The following IGF2BP3 variants were observed in gnomAD, a reference collection of about 807,000 sequenced individuals.
IGF2BP3 encodes insulin-like growth factor 2 mRNA-binding protein 3.
In IGF2BP3, 9 loss-of-function variants were observed where a neutral mutation model predicts 73.8. The observed-to-expected ratio is 0.12, with a 90% CI of 0.07 to 0.21. The LOEUF (loss-of-function observed/expected upper bound fraction) is 0.21, where lower values mean the gene tolerates loss of function less well. Among genes scored for constraint, IGF2BP3 ranks in the 10% least tolerant of loss-of-function variants. IGF2BP3 has a pLI of 1.00. For missense variants in IGF2BP3, 542 were observed against 714.0 expected, an observed-to-expected ratio of 0.76 and a Z score of 2.75; for synonymous variants, 258 against 256.7, an observed-to-expected ratio of 1.01 and a Z score of -0.05.
At chr7:23,362,061 A>G (rs920397091) in intron 3 of IGF2BP3, among the ~76,000 whole-genome samples, 22 of 152,168 alleles carry the variant, frequency 1.4e-4, no homozygotes, top group African/African-American at 5.1e-4. Context: ...ACATACACAA[A>G]CACATCATCA....
intron 3 of IGF2BP3, among the ~76,000 whole-genome samples, chr7:23,404,414 G>C (rs866352763): frequency 6.6e-6 from 1 of 152,106 alleles, no homozygotes; most frequent in Admixed American, 6.5e-5. Flanking sequence ...CTGGACACAT[G>C]TGAGAGTCTA....
intron 9 of IGF2BP3, among the ~76,000 whole-genome samples, chr7:23,342,843 A>G (rs1784745331): frequency 6.6e-6 from 1 of 152,196 alleles, no homozygotes; most frequent in Non-Finnish European, 1.5e-5. Flanking sequence ...GTTAGATTTA[A>G]TCCCAGTTGA....
intron 3 of IGF2BP3, among the ~76,000 whole-genome samples, chr7:23,389,828 T>TAAAAAAA (rs748999337): frequency 9.2e-6 from 1 of 108,414 alleles, no homozygotes; most frequent in Admixed American, 1.0e-4. Flanking sequence ...ATCCCTTCTG[T>TAAAAAAA]AAAAAAAAAA....
chr7:23,445,511 C>G (rs1201440574), intron 2 of IGF2BP3, among the ~76,000 whole-genome samples: 3 of 151,176 alleles, frequency 2.0e-5, no homozygotes, highest in Non-Finnish European at 4.4e-5. Context: ...CTTAGTATGA[C>G]TAAGTAAAAC....
At chr7:23,432,579 A>G (rs557952576) in intron 2 of IGF2BP3, among the ~76,000 whole-genome samples, 3 of 152,270 alleles carry the variant, frequency 2.0e-5, no homozygotes, top group African/African-American at 7.2e-5. Flanking sequence ...CTAAATAACC[A>G]AAGATTTTTA....
chr7:23,385,161 C>T (rs929388565), intron 3 of IGF2BP3, among the ~76,000 whole-genome samples: 4 of 152,142 alleles, frequency 2.6e-5, no homozygotes, highest in South Asian at 2.1e-4. Context: ...ACCTTTTTGC[C>T]TCCCTTTATG....
At chr7:23,321,433 G>A (rs1442449769) in intron 10 of IGF2BP3, among the ~76,000 whole-genome samples, 4 of 152,210 alleles carry the variant, frequency 2.6e-5, no homozygotes, top group East Asian at 1.9e-4. Context: ...CGCCCACGGA[G>A]TCTCGCTGAT....
intron 10 of IGF2BP3, among the ~76,000 whole-genome samples, chr7:23,327,584 A>G (rs1038519007): frequency 2.6e-5 from 4 of 152,136 alleles, no homozygotes; most frequent in African/African-American, 9.7e-5. Flanking sequence ...CCCGTCCTGA[A>G]ATTCTTAAAA....
chr7:23,458,703 T>C (rs775823129), intron 2 of IGF2BP3, among the ~76,000 whole-genome samples: 1 of 152,236 alleles, frequency 6.6e-6, no homozygotes, highest in Non-Finnish European at 1.5e-5. Flanking sequence ...GTCTCATTTT[T>C]CTGTCTTAAA....
chr7:23,397,183 G>GT (rs1003435662), intron 3 of IGF2BP3, among the ~76,000 whole-genome samples: 39 of 152,278 alleles, frequency 2.6e-4, no homozygotes, highest in African/African-American at 8.7e-4. Flanking sequence ...GAAGGAATCT[G>GT]TTTTTTTGCG....
chr7:23,352,497 C>A (rs534986127), intron 5 of IGF2BP3, among the ~76,000 whole-genome samples: 1 of 152,048 alleles, frequency 6.6e-6, no homozygotes, highest in Non-Finnish European at 1.5e-5. Flanking sequence ...CCATGTTGGC[C>A]AGGCTGGTTT....
In IGF2BP3 at chr7:23,464,731, T is replaced by C. The variant is rs141241488; in HGVS notation, c.236+3751A>G. ...ATAAAAATAAAAATAAAAATAAAAA[T>C]AGAAAAAATCCTACCCTGAAAGGAA... On this transcript the variant is annotated intron_variant, in intron 2 of 14. Transcript: ENST00000258729. Among the ~76,000 whole-genome samples the C allele has an allele frequency of 8.0e-3, 1,209 of 150,944 alleles. 11 individuals carry two copies. Among genetic ancestry groups the C allele is most frequent in the Non-Finnish European group, 0.012 (782 of 67,764 alleles).
intron 3 of IGF2BP3, chr7:23,415,046 G>A: frequency 4.8e-6 from 1 of 207,826 alleles, no homozygotes; most frequent in South Asian, 5.6e-5. Context: ...CCGTCAGTCA[G>A]CATCACCCCA....
chr7:23,351,067 A>G (rs1304240727), intron 6 of IGF2BP3, among the ~76,000 whole-genome samples: 1 of 152,176 alleles, frequency 6.6e-6, no homozygotes, highest in South Asian at 2.1e-4. Context: ...AGGATTAGGT[A>G]TCATTTGTTT....
intron 10 of IGF2BP3, among the ~76,000 whole-genome samples, chr7:23,329,105 C>A (rs370078298): frequency 3.3e-5 from 5 of 151,484 alleles, no homozygotes; most frequent in African/African-American, 1.2e-4. Context: ...CCCAGCTACT[C>A]GGGAGGCTGA....
At chr7:23,377,829 G>A (rs932494129) in intron 3 of IGF2BP3, among the ~76,000 whole-genome samples, 1 of 152,284 alleles carries the variant, frequency 6.6e-6, no homozygotes, top group East Asian at 1.9e-4. Flanking sequence ...ATTATGCTAA[G>A]TGAAGGAAGC....
intron 2 of IGF2BP3, among the ~76,000 whole-genome samples, chr7:23,432,674 C>T (rs553478025): frequency 2.0e-5 from 3 of 149,464 alleles, no homozygotes; most frequent in African/African-American, 7.4e-5. Flanking sequence ...GGGTCTTGCT[C>T]TGTTGCTCAG....
At position 23,310,722 on chromosome 7, in the gene IGF2BP3, C is replaced by T. The variant is rs1003253718; in HGVS notation, c.*1640G>A. ...ACACTTTAAATCATTTTCAAAATGT[C>T]TAATTGATCTTCAGAAAAACATCTA... is the stretch of plus-strand genomic sequence containing the variant. On this transcript the variant is annotated 3_prime_UTR_variant, in exon 15 of 15. Coordinates refer to ENST00000258729, the MANE Select transcript of IGF2BP3 (RefSeq NM_006547.3). 2 of 152,078 alleles carry T rather than the reference C, an allele frequency of 1.3e-5. No individual in the cohort carries two copies. The highest frequency in any genetic ancestry group is 4.8e-5 in the African/African-American group (2 of 41,412). The allele number at this position is 152,078 out of a possible 1,614,324, so 9.4% of individuals were successfully genotyped here.
chr7:23,456,164 A>T (rs1463298501), intron 2 of IGF2BP3, among the ~76,000 whole-genome samples: 1 of 152,214 alleles, frequency 6.6e-6, no homozygotes, highest in Non-Finnish European at 1.5e-5. Flanking sequence ...AAAAATTTCA[A>T]CTTAACTCTC....
Sources: allele counts gnomAD v4.1 joint callset (sites outside exome capture counted in the v4.1 genomes callset), GRCh38; gene constraint gnomAD v4.1.1; transcripts MANE v1.5; gene names NCBI Gene and HGNC (gene_info 2026-07-23, HGNC 2026-07-21).